Variants in DGKI observed in about 807,000 individuals in gnomAD.
DGKI encodes diacylglycerol kinase iota, also known as DAG kinase iota.
DGKI carries 55 observed loss-of-function variants against 147.5 expected under a neutral mutation model. The observed-to-expected ratio is 0.37, with a 90% CI of 0.30 to 0.47. DGKI has a LOEUF of 0.47. Ranked by LOEUF, DGKI falls within the 20% of genes least tolerant of loss-of-function variation. The probability of loss-of-function intolerance (pLI) is 1.00; values close to 1 mark genes in which losing one functional copy is unlikely to be tolerated. For missense variants in DGKI, 1,007 were observed against 1,323.8 expected (o/e 0.76, Z 3.71); for synonymous variants, 469 against 477.1 (o/e 0.98, Z 0.22).
chr7:137,782,324 G>A (rs944132943), intron 1 of DGKI, among the ~76,000 whole-genome samples: 1 of 151,978 alleles, frequency 6.6e-6, no homozygotes, highest in Non-Finnish European at 1.5e-5. Context: ...GTGACTCCCC[G>A]CTTTCCCCCA....
intron 12 of DGKI, among the ~76,000 whole-genome samples, chr7:137,588,608 C>A (rs1274504442): frequency 6.6e-6 from 1 of 151,926 alleles, no homozygotes. Flanking sequence ...TCCCAAGTAG[C>A]CGGGACTACA....
chr7:137,507,437 T>TATC (rs1816404676), intron 21 of DGKI, among the ~76,000 whole-genome samples: 1 of 152,208 alleles, frequency 6.6e-6, no homozygotes, highest in South Asian at 2.1e-4. Context: ...ATTCTGCTTT[T>TATC]ATCATGATAG....
At chr7:137,607,173 C>T (rs1820211749) in intron 10 of DGKI, among the ~76,000 whole-genome samples, 1 of 152,190 alleles carries the variant, frequency 6.6e-6, no homozygotes, top group South Asian at 2.1e-4. Flanking sequence ...AAGTAGTACC[C>T]ATCTTTGATT....
chr7:137,584,284 C>A (rs954655433), intron 14 of DGKI, among the ~76,000 whole-genome samples: 2 of 152,050 alleles, frequency 1.3e-5, no homozygotes, highest in East Asian at 1.9e-4. Context: ...GAGATTCTTA[C>A]ACATACAGAG....
chr7:137,663,090 A>T (rs1042364809), intron 3 of DGKI, among the ~76,000 whole-genome samples: 1 of 152,230 alleles, frequency 6.6e-6, no homozygotes, highest in Admixed American at 6.5e-5. Flanking sequence ...TGGCTGAAAC[A>T]ATCTGTTACT....
In DGKI at chr7:137,468,956, C is replaced by T. The variant is rs572582217; in HGVS notation, c.2443+594G>A. 6.1e-4 allele frequency among the ~76,000 whole-genome samples: 93 copies of T among 152,128 alleles called. No homozygotes were observed. In the Middle Eastern group the frequency reaches 0.014, roughly 22 times the overall value. ...ACAGAGGTGAGAAGGTACTGCAATA[C>T]GGGTAATTGGATAGAAATGTAGTAT... is the stretch of plus-strand genomic sequence containing the variant. On this transcript the variant is annotated intron_variant, in intron 24 of 32. Coordinates refer to ENST00000614521, the MANE Select transcript of DGKI (RefSeq NM_001321708.2).
intron 1 of DGKI, among the ~76,000 whole-genome samples, chr7:137,820,470 GA>G (rs2117032008): frequency 6.6e-6 from 1 of 152,364 alleles, no homozygotes; most frequent in East Asian, 1.9e-4. Context: ...TGCAGAAGCA[GA>G]GAAGCGCAGC....
chr7:137,494,428 G>A (rs2128939289), intron 21 of DGKI, among the ~76,000 whole-genome samples: 1 of 152,168 alleles, frequency 6.6e-6, no homozygotes, highest in Non-Finnish European at 1.5e-5. Flanking sequence ...GAAAGAAGGG[G>A]CAGGTCACCT....
At chr7:137,736,318 GAGGCATCTTATTGTA>G (rs1317932756) in intron 1 of DGKI, among the ~76,000 whole-genome samples, 2 of 152,050 alleles carry the variant, frequency 1.3e-5, no homozygotes, top group Admixed American at 6.6e-5. Context: ...TAGGTTGCAC[GAGGCATCTTATTGTA>G]AGGCTAATGT....
chr7:137,545,227 T>A (rs2128962968), intron 20 of DGKI, among the ~76,000 whole-genome samples: 1 of 152,204 alleles, frequency 6.6e-6, no homozygotes, highest in East Asian at 1.9e-4. Flanking sequence ...TCTGTAACAG[T>A]CCCTGAAACA....
At chr7:137,829,300 T>C (rs757690413) in intron 1 of DGKI, among the ~76,000 whole-genome samples, 5 of 152,206 alleles carry the variant, frequency 3.3e-5, no homozygotes, top group Non-Finnish European at 7.4e-5. Context: ...CTCCCCACAT[T>C]TCCTGTCTAC....
At chr7:137,697,289 C>T (rs1823823277) in intron 1 of DGKI, among the ~76,000 whole-genome samples, 1 of 152,134 alleles carries the variant, frequency 6.6e-6, no homozygotes, top group African/African-American at 2.4e-5. Flanking sequence ...CCTTGGATGC[C>T]TTCCCATAAT....
At chr7:137,770,925 C>G (rs1374569705) in intron 1 of DGKI, among the ~76,000 whole-genome samples, 2 of 151,970 alleles carry the variant, frequency 1.3e-5, no homozygotes, top group Admixed American at 6.5e-5. Flanking sequence ...CCAAAAAAAT[C>G]AGAAAGAGTT....
chr7:137,522,868 A>T (rs1162142879), intron 20 of DGKI, among the ~76,000 whole-genome samples: 1 of 152,142 alleles, frequency 6.6e-6, no homozygotes, highest in Non-Finnish European at 1.5e-5. Flanking sequence ...CTTGTCTTTC[A>T]ATACGACCTT....
chr7:137,717,617 T>C (rs941880497), intron 1 of DGKI, among the ~76,000 whole-genome samples: 2 of 152,200 alleles, frequency 1.3e-5, no homozygotes, highest in African/African-American at 4.8e-5. Flanking sequence ...TATAGAAATA[T>C]TTTTATGTTG....
chr7:137,390,127 C>T lies in DGKI; in HGVS notation c.*1093G>A, dbSNP rs1811306584. ...TAGCCTCTGTGCAACATTCCAATGA[C>T]TGTTTCCTATTTCAGTGACATATGT... On this transcript the variant is annotated 3_prime_UTR_variant, in exon 33 of 33. Transcript: ENST00000614521. The T allele has an allele frequency of 2.0e-5, 3 of 152,098 alleles. No individual in the cohort carries two copies. The South Asian group carries it at 6.2e-4, about 31-fold the overall frequency. The allele number at this position is 152,098 out of a possible 1,614,324, so 9.4% of individuals were successfully genotyped here. A position where few individuals can be genotyped will look rare whatever the true frequency, so the allele number is the denominator to read the frequency against.
At chr7:137,844,282 C>A (rs1173773730) in intron 1 of DGKI, among the ~76,000 whole-genome samples, 1 of 152,190 alleles carries the variant, frequency 6.6e-6, no homozygotes, top group Non-Finnish European at 1.5e-5. Context: ...CAGATGGAAG[C>A]ACCTCCTTTT....
At chr7:137,442,068 G>A (rs997487) in intron 28 of DGKI, among the ~76,000 whole-genome samples, 12,157 of 152,032 alleles carry the variant, frequency 0.08, 1,339 homozygotes, top group African/African-American at 0.25. Flanking sequence ...CAATTACATA[G>A]GATTAGGTAA....
At chr7:137,446,070 T>A (rs1390777255) in intron 27 of DGKI, among the ~76,000 whole-genome samples, 1 of 152,186 alleles carries the variant, frequency 6.6e-6, no homozygotes. Context: ...GTGTCTTGGA[T>A]TGTTTGCAAT....
Sources: allele counts gnomAD v4.1 joint callset (sites outside exome capture counted in the v4.1 genomes callset), GRCh38; gene constraint gnomAD v4.1.1; transcripts MANE v1.5; gene names NCBI Gene and HGNC (gene_info 2026-07-23, HGNC 2026-07-21).